The following GATAD2A variants were observed in gnomAD, a reference collection of about 807,000 sequenced individuals.
GATAD2A encodes GATA zinc finger domain containing 2A.
GATAD2A carries 12 observed loss-of-function variants against 68.5 expected under a neutral mutation model. The observed-to-expected ratio is 0.18, with a 90% confidence interval of 0.11 to 0.28. The LOEUF is 0.28. Ranked by LOEUF, GATAD2A falls within the 10% of genes least tolerant of loss-of-function variation. GATAD2A has a pLI of 1.00. For missense variants in GATAD2A, 755 were observed against 868.5 expected (o/e 0.87, Z 1.64); for synonymous variants, 410 against 375.3 (o/e 1.09, Z -1.07).
intron 1 of GATAD2A, 95 bp from the exon 2 acceptor site, chr19:19,465,245 G>A (rs1017832054): frequency 1.1e-6 from 1 of 919,370 alleles, no homozygotes; most frequent in Non-Finnish European, 1.8e-6. Context: ...TTCCCATAGG[G>A]AGGAAAACAC....
At chr19:19,498,776 T>C (rs1177189541) in intron 8 of GATAD2A, 54 bp downstream of exon 8, 2 of 1,479,056 alleles carry the variant, frequency 1.4e-6, no homozygotes, top group East Asian at 2.3e-5. Context: ...CCAAGGGTGC[T>C]GCCCCGTGGG....
At chr19:19,453,838 A>AT (rs796777563) in intron 1 of GATAD2A, among the ~76,000 whole-genome samples, 1 of 148,380 alleles carries the variant, frequency 6.7e-6, no homozygotes. Context: ...TAATTTTTGT[A>AT]TTTTTAGTAG....
At chr19:19,489,722 G>C (rs1400453508) in intron 2 of GATAD2A, among the ~76,000 whole-genome samples, 1 of 152,226 alleles carries the variant, frequency 6.6e-6, no homozygotes, top group Non-Finnish European at 1.5e-5. Context: ...CCCTCAATAA[G>C]ATGATAAGAA....
At chr19:19,493,100 C>G (rs2059914314) in intron 4 of GATAD2A, among the ~76,000 whole-genome samples, 1 of 152,142 alleles carries the variant, frequency 6.6e-6, no homozygotes, top group Non-Finnish European at 1.5e-5. Flanking sequence ...GCCACCACAC[C>G]CAGCTAATTT....
At chr19:19,504,817 AT>A (rs1179183669) in intron 11 of GATAD2A, among the ~76,000 whole-genome samples, 1 of 150,586 alleles carries the variant, frequency 6.6e-6, no homozygotes, top group African/African-American at 2.4e-5. Context: ...TCCAGCTGAT[AT>A]TTTTTTTAGA....
intron 1 of GATAD2A, among the ~76,000 whole-genome samples, chr19:19,416,792 C>T (rs548751845): frequency 4.9e-4 from 74 of 150,364 alleles, no homozygotes; most frequent in East Asian, 7.8e-4. Flanking sequence ...GGCGGAGTTT[C>T]GCTCTTGTTG....
intron 7 of GATAD2A, among the ~76,000 whole-genome samples, 175 bp downstream of exon 7, chr19:19,496,394 G>C (rs947728447): frequency 2.6e-5 from 4 of 152,196 alleles, no homozygotes; most frequent in African/African-American, 9.6e-5. Context: ...CCACAGGGCT[G>C]TCTGGGTCGT....
At chr19:19,432,418 C>T (rs1265082592) in intron 1 of GATAD2A, among the ~76,000 whole-genome samples, 1 of 152,234 alleles carries the variant, frequency 6.6e-6, no homozygotes, top group Non-Finnish European at 1.5e-5. Flanking sequence ...TCTCCTGCCT[C>T]ACCCTCCCAA....
intron 2 of GATAD2A, among the ~76,000 whole-genome samples, chr19:19,491,077 G>A (rs1263542869): frequency 1.3e-5 from 2 of 152,122 alleles, no homozygotes; most frequent in Non-Finnish European, 2.9e-5. Flanking sequence ...CTAGAGGATC[G>A]TTCACAGGAA....
At chr19:19,400,399 A>ACC (rs981550834) in intron 1 of GATAD2A, among the ~76,000 whole-genome samples, 1 of 152,204 alleles carries the variant, frequency 6.6e-6, no homozygotes, top group Non-Finnish European at 1.5e-5. Flanking sequence ...GACAAAGTGG[A>ACC]CCATCCCTAG....
At chr19:19,416,040 C>A (rs1299868455) in intron 1 of GATAD2A, among the ~76,000 whole-genome samples, 1 of 152,094 alleles carries the variant, frequency 6.6e-6, no homozygotes, top group Non-Finnish European at 1.5e-5. Flanking sequence ...ATCACTATAG[C>A]CTCGACCTCC....
At chr19:19,430,219 G>C (rs143091381) in intron 1 of GATAD2A, among the ~76,000 whole-genome samples, 1 of 152,310 alleles carries the variant, frequency 6.6e-6, no homozygotes, top group African/African-American at 2.4e-5. Context: ...TGGAAAACTG[G>C]ATCTGTGGCC....
chr19:19,425,680 C>T (rs931365638), intron 1 of GATAD2A, among the ~76,000 whole-genome samples: 3 of 152,308 alleles, frequency 2.0e-5, no homozygotes, highest in African/African-American at 2.4e-5. Context: ...AGCCACACAC[C>T]GGCCTGGCAG....
At chr19:19,473,964 C>A in intron 2 of GATAD2A, 1 of 794,414 alleles carries the variant, frequency 1.3e-6, no homozygotes, top group Non-Finnish European at 1.5e-6. Context: ...AAAAACAACA[C>A]ATATTAACAC....
chr19:19,505,019 C>G (rs2060793241), intron 11 of GATAD2A, among the ~76,000 whole-genome samples: 1 of 152,206 alleles, frequency 6.6e-6, no homozygotes, highest in African/African-American at 2.4e-5. Context: ...TATGGTTTTC[C>G]ACTGTTCTAA....
intron 2 of GATAD2A, among the ~76,000 whole-genome samples, chr19:19,484,179 A>T (rs2059255086): frequency 6.6e-6 from 1 of 152,330 alleles, no homozygotes; most frequent in South Asian, 2.1e-4. Flanking sequence ...CCCCACCTGT[A>T]CAAAAACTTT....
chr19:19,470,395 A>G (rs575285392), intron 2 of GATAD2A, among the ~76,000 whole-genome samples: 2 of 152,196 alleles, frequency 1.3e-5, no homozygotes, highest in South Asian at 4.2e-4. Flanking sequence ...CACCCTCCCA[A>G]ATTGCTGGGA....
intron 8 of GATAD2A, among the ~76,000 whole-genome samples, chr19:19,500,323 G>C (rs1033010106): frequency 2.6e-5 from 4 of 152,190 alleles, no homozygotes; most frequent in African/African-American, 9.7e-5. Flanking sequence ...CTTAGAAGGG[G>C]CCAGGCCAGT....
rs1485213467 is a variant in GATAD2A, at chr19:19,506,912, T to C, written c.*1438T>C. 1.3e-5 allele frequency: 2 copies of C among 152,174 alleles called. No homozygotes were observed. Among genetic ancestry groups the C allele is most frequent in the African/African-American group, 4.8e-5 (2 of 41,432 alleles). 9.4% of individuals were successfully genotyped at this position (152,174 alleles called of 1,614,324 possible). A position where few individuals can be genotyped will look rare whatever the true frequency, so the allele number is the denominator to read the frequency against. On this transcript the variant is annotated 3_prime_UTR_variant, in exon 12 of 12. Transcript: ENST00000683918. ...AGTTAGGGACTTTAATTTAATTTTT[T>C]TTTTGTAGGGCCACCGCCTTCAAAC...
Sources: allele counts gnomAD v4.1 joint callset (sites outside exome capture counted in the v4.1 genomes callset), GRCh38; gene constraint gnomAD v4.1.1; transcripts MANE v1.5; gene names NCBI Gene and HGNC (gene_info 2026-07-23, HGNC 2026-07-21).